The following ATRN variants were observed in gnomAD, a reference collection of about 807,000 sequenced individuals.
ATRN encodes the protein attractin.
Under a neutral mutation model 178.7 loss-of-function variants are expected in ATRN, and 54 were observed. The observed-to-expected ratio is 0.30, with a 90% CI of 0.24 to 0.38. The LOEUF is 0.38. ATRN is among the 10% of genes least tolerant of loss of function. ATRN has a pLI of 1.00. For missense variants in ATRN, 1,443 were observed against 1,815.1 expected (o/e 0.79, Z 3.73); for synonymous variants, 636 against 663.0 (o/e 0.96, Z 0.63).
intron 1 of ATRN, among the ~76,000 whole-genome samples, chr20:3,511,473 T>C (rs2085126843): frequency 6.6e-6 from 1 of 152,070 alleles, no homozygotes; most frequent in South Asian, 2.1e-4. Context: ...TTTCAGTTTG[T>C]TTTGTTGTAT....
chr20:3,488,317 T>G (rs1199935641), intron 1 of ATRN, among the ~76,000 whole-genome samples: 1 of 152,222 alleles, frequency 6.6e-6, no homozygotes, highest in African/African-American at 2.4e-5. Flanking sequence ...GACATTTCAT[T>G]GTTTTGTCTT....
At chr20:3,548,427 C>T (rs1568722421) in intron 5 of ATRN, among the ~76,000 whole-genome samples, 1 of 152,018 alleles carries the variant, frequency 6.6e-6, no homozygotes, top group Non-Finnish European at 1.5e-5. Context: ...TGGTGAAACC[C>T]TGTCTCTACT....
At position 3,650,816 on chromosome 20, in the gene ATRN, C is replaced by T. The variant is rs1207183701; in HGVS notation, c.*3969C>T. ...TTTGTTTTATAGTTATTTACGATTTCGTTTGTTTGGATTCAAGCTTAGTTT... is the reference window on the plus strand; with the variant it reads ...TTTGTTTTATAGTTATTTACGATTTTGTTTGTTTGGATTCAAGCTTAGTTT... On this transcript the variant is annotated 3_prime_UTR_variant, in exon 29 of 29. Transcript: ENST00000262919. The T allele has an allele frequency of 2.0e-5, 3 of 152,596 alleles. No homozygotes were observed. Among genetic ancestry groups the T allele is most frequent in the African/African-American group, 4.8e-5 (2 of 41,438 alleles). 9.5% of individuals were successfully genotyped at this position (152,596 alleles called of 1,614,324 possible).
Position 3,496,760 on chromosome 20 carries a change from G to A in ATRN, c.410+25243G>A, listed in dbSNP as rs1411551250. Among the ~76,000 whole-genome samples, 16 of 152,138 alleles carry A rather than the reference G, an allele frequency of 1.1e-4. No individual in the cohort carries two copies. In the East Asian group the frequency reaches 3.1e-3, roughly 29 times the overall value. On this transcript the variant is annotated intron_variant, in intron 1 of 28. Transcript: ENST00000262919. ...ATGTTGGTCTAATGTTGACAGTGGGGTGTTAAAGTCTCCCATTATTAATGT... is the reference window on the plus strand; with the variant it reads ...ATGTTGGTCTAATGTTGACAGTGGGATGTTAAAGTCTCCCATTATTAATGT...
intron 1 of ATRN, among the ~76,000 whole-genome samples, chr20:3,525,039 G>A (rs886402259): frequency 6.6e-6 from 1 of 152,006 alleles, no homozygotes; most frequent in African/African-American, 2.4e-5. Flanking sequence ...TAGCAGACAA[G>A]AAATAATTAA....
At chr20:3,636,926 A>G (rs578157051) in intron 26 of ATRN, among the ~76,000 whole-genome samples, 1 of 152,390 alleles carries the variant, frequency 6.6e-6, no homozygotes, top group South Asian at 2.1e-4. Flanking sequence ...TATTATTTTC[A>G]TATAAAGTTA....
chr20:3,646,217 G>A (rs1322770667), intron 28 of ATRN, among the ~76,000 whole-genome samples: 1 of 152,194 alleles, frequency 6.6e-6, no homozygotes, highest in Admixed American at 6.5e-5. Context: ...CTGTATCGTG[G>A]TATGGAATGG....
chr20:3,577,674 G>A (rs2086230518), intron 14 of ATRN, among the ~76,000 whole-genome samples: 1 of 152,088 alleles, frequency 6.6e-6, no homozygotes, highest in South Asian at 2.1e-4. Context: ...CTTGCAGAGT[G>A]GGACTCTTTT....
At chr20:3,628,773 C>T in intron 25 of ATRN, 1 of 543,158 alleles carries the variant, frequency 1.8e-6, no homozygotes, top group Non-Finnish European at 2.3e-6. Flanking sequence ...GTGATATCAA[C>T]CAACTGACTG....
intron 25 of ATRN, among the ~76,000 whole-genome samples, chr20:3,629,975 A>G (rs1400911315): frequency 6.6e-6 from 1 of 152,140 alleles, no homozygotes; most frequent in Non-Finnish European, 1.5e-5. Context: ...CATAGGCATG[A>G]TGGATGAAAT....
intron 3 of ATRN, among the ~76,000 whole-genome samples, chr20:3,543,808 G>T (rs941544361): frequency 6.6e-6 from 1 of 152,078 alleles, no homozygotes; most frequent in South Asian, 2.1e-4. Flanking sequence ...CGAGGCAGGA[G>T]AATTACTTGA....
At chr20:3,567,127 G>A (rs2086047981) in intron 11 of ATRN, among the ~76,000 whole-genome samples, 1 of 152,172 alleles carries the variant, frequency 6.6e-6, no homozygotes, top group Admixed American at 6.5e-5. Flanking sequence ...AATTTGAAGT[G>A]TTATTATAAA....
intron 19 of ATRN, 80 bp downstream of exon 19, chr20:3,591,386 G>T (rs2086440138): frequency 2.0e-6 from 3 of 1,469,114 alleles, no homozygotes. Context: ...TATCTAGGAG[G>T]AAAAAAGCCA....
chr20:3,559,558 A>G, intron 7 of ATRN, 75 bp downstream of exon 7: 1 of 1,241,528 alleles, frequency 8.1e-7, no homozygotes. Flanking sequence ...ATAGTTGAAA[A>G]GCTACCTCAG....
chr20:3,571,572 T>C (rs932763557), intron 11 of ATRN, among the ~76,000 whole-genome samples: 1 of 151,928 alleles, frequency 6.6e-6, no homozygotes. Context: ...TTTTTTTTTT[T>C]TTTTGCTAGT....
intron 23 of ATRN, among the ~76,000 whole-genome samples, chr20:3,602,588 A>G (rs755996021): frequency 2.0e-5 from 3 of 152,188 alleles, no homozygotes; most frequent in Non-Finnish European, 4.4e-5. Flanking sequence ...AAAAGTTCAG[A>G]AACTCTCAAT....
intron 1 of ATRN, among the ~76,000 whole-genome samples, chr20:3,489,239 G>A (rs958418421): frequency 3.9e-5 from 6 of 152,134 alleles, no homozygotes; most frequent in African/African-American, 1.4e-4. Context: ...GGCATTACAG[G>A]TGTGAGCCAC....
Position 3,562,263 on chromosome 20 carries a change from C to A in ATRN, c.1448-13C>A. The A allele has an allele frequency of 6.2e-7, 1 of 1,605,068 alleles. No homozygotes were observed. Among genetic ancestry groups the A allele is most frequent in the Non-Finnish European group, 8.5e-7 (1 of 1,174,632 alleles). ...GCCTGCCATGCTTGCCTTTAACTGT[C>A]TTTCCTTTCCAGATAAGAACACATG... On this transcript the variant is annotated splice_polypyrimidine_tract_variant and intron_variant, in intron 8 of 28. Coordinates refer to ENST00000262919, the MANE Select transcript of ATRN (RefSeq NM_139321.3).
rs573380733 is a variant in ATRN, at chr20:3,547,054, T to C, written c.738-230T>C. On this transcript the variant is annotated intron_variant, in intron 4 of 28. Transcript: ENST00000262919. The stretch of plus-strand genomic sequence containing the variant: ...TGACTTTATGAGTTATTTATTCTTA[T>C]CCTCTTATTATGAGAATCCAGCAGG... 5.9e-5 allele frequency among the ~76,000 whole-genome samples: 9 copies of C among 152,324 alleles called. No individual in the cohort carries two copies. In the South Asian group the frequency reaches 1.7e-3, roughly 28 times the overall value.
Sources: gnomAD v4.1 joint callset for allele counts (sites outside exome capture counted in the v4.1 genomes callset) on GRCh38, gnomAD v4.1.1 for gene constraint, MANE v1.5 for transcripts, NCBI Gene and HGNC (gene_info 2026-07-23, HGNC 2026-07-21) for gene names.